The following PLD5 variants were observed in gnomAD, a reference collection of about 807,000 sequenced individuals.
The protein encoded by PLD5 is inactive phospholipase D5.
Under a neutral mutation model 61.1 loss-of-function variants are expected in PLD5, and 36 were observed. The ratio of observed to expected loss-of-function variants is 0.59; its 90% confidence interval spans 0.45 to 0.78. The LOEUF (loss-of-function observed/expected upper bound fraction) is 0.78, where lower values mean the gene tolerates loss of function less well. Ranked by LOEUF, PLD5 falls within the 30% of genes least tolerant of loss-of-function variation. The pLI is 0.00. For missense variants in PLD5, 515 were observed against 644.4 expected, an observed-to-expected ratio of 0.80 and a Z score of 2.17; for synonymous variants, 243 against 242.8, an observed-to-expected ratio of 1.00 and a Z score of -0.01.
intron 1 of PLD5, among the ~76,000 whole-genome samples, chr1:242,355,332 TGTCATTCA>T (rs1330214812): frequency 1.6e-4 from 24 of 152,246 alleles, no homozygotes; most frequent in Non-Finnish European, 2.9e-4. Context: ...TGTATTTCTT[TGTCATTCA>T]GTCTTGATAG....
chr1:242,527,065 C>T (rs1198119809), upstream of PLD5, among the ~76,000 whole-genome samples: 1 of 144,604 alleles, frequency 6.9e-6, no homozygotes, highest in Non-Finnish European at 1.5e-5. Flanking sequence ...TTAAACTATA[C>T]CTTTATAGGA....
rs1016739868 is a variant in PLD5, at chr1:242,083,505, T to C, written c.*6349A>G. 6.6e-6 allele frequency: 1 copy of C among 152,172 alleles called. No homozygotes were observed. The highest frequency in any genetic ancestry group is 2.4e-5 in the African/African-American group (1 of 41,442). The allele number at this position is 152,172 out of a possible 1,614,324, so 9.4% of individuals were successfully genotyped here. A position where few individuals can be genotyped will look rare whatever the true frequency, so the allele number is the denominator to read the frequency against. On this transcript the variant is annotated 3_prime_UTR_variant, in exon 10 of 10. Coordinates refer to ENST00000536534, the MANE Select transcript of PLD5 (RefSeq NM_001372062.1). ...GAAAACTATAGATCCACCTATGAAA[T>C]ATGAATGAGAGATAGCTTTATCACT...
intron 1 of PLD5, among the ~76,000 whole-genome samples, chr1:242,451,984 G>GT (rs1572178693): frequency 6.6e-6 from 1 of 152,098 alleles, no homozygotes; most frequent in Non-Finnish European, 1.5e-5. Flanking sequence ...TCCAGGGATG[G>GT]TTTTTATTGT....
chr1:242,087,926 C>G lies in PLD5; in HGVS notation c.*1928G>C, dbSNP rs1415614365. 1 of 152,138 alleles carries G rather than the reference C, an allele frequency of 6.6e-6. No homozygotes were observed. Among genetic ancestry groups the G allele is most frequent in the Non-Finnish European group, 1.5e-5 (1 of 68,022 alleles). The allele number at this position is 152,138 out of a possible 1,614,324, so 9.4% of individuals were successfully genotyped here. A position where few individuals can be genotyped will look rare whatever the true frequency, so the allele number is the denominator to read the frequency against. On this transcript the variant is annotated 3_prime_UTR_variant, in exon 10 of 10. Transcript: ENST00000536534. ...CCAATTAGTCATAAAACCATGCTAC[C>G]CTTAAAAATACAGCTTCCTTCCAGC...
chr1:242,456,171 G>C (rs934110538), intron 1 of PLD5, among the ~76,000 whole-genome samples: 1 of 152,138 alleles, frequency 6.6e-6, no homozygotes, highest in African/African-American at 2.4e-5. Context: ...TCCTTACTCC[G>C]CCTTGCAATC....
chr1:242,246,160 G>A (rs1185112543), intron 4 of PLD5, among the ~76,000 whole-genome samples: 1 of 151,934 alleles, frequency 6.6e-6, no homozygotes, highest in East Asian at 1.9e-4. Flanking sequence ...TTGGGGCCAG[G>A]AGTTCAAGAC....
chr1:242,162,444 A>AGTCACTCTGTAACCGAGAAACCTAAAAT (rs1665915050), intron 5 of PLD5, among the ~76,000 whole-genome samples: 2 of 152,214 alleles, frequency 1.3e-5, no homozygotes, highest in African/African-American at 2.4e-5. Flanking sequence ...GATTATTGTC[A>AGTCACTCTGTAACCGAGAAACCTAAAAT]GTCACTCTGT....
Position 242,393,207 on chromosome 1 carries a change from A to AAT in PLD5, c.190-44967_190-44966dup, listed in dbSNP as rs1379966321. Among the ~76,000 whole-genome samples the AAT allele has an allele frequency of 7.2e-4, 63 of 87,498 alleles. 8 individuals are homozygous for AAT. The South Asian group carries it at 0.01, about 14-fold the overall frequency. 57.4% of individuals were successfully genotyped at this position (87,498 alleles called of 152,430 possible). A position where few individuals can be genotyped will look rare whatever the true frequency, so the allele number is the denominator to read the frequency against. ...TAAGACGACGACTCCGTCTCAAAAA[A>AAT]ATATATATATATATATGAGTATATA... On this transcript the variant is annotated intron_variant, in intron 1 of 9. Transcript: ENST00000536534.
chr1:242,224,869 T>C (rs2149020831), intron 4 of PLD5, among the ~76,000 whole-genome samples: 2 of 152,334 alleles, frequency 1.3e-5, no homozygotes, highest in Admixed American at 6.5e-5. Context: ...ATTCACCCTT[T>C]TGAGCATATA....
rs369087951 is a variant in PLD5, at chr1:242,260,875, T to C, written c.607+4462A>G. 1.1e-4 allele frequency among the ~76,000 whole-genome samples: 16 copies of C among 152,324 alleles called. No homozygotes were observed. The East Asian group carries it at 2.5e-3, about 24-fold the overall frequency. On this transcript the variant is annotated intron_variant, in intron 4 of 9. Coordinates refer to ENST00000536534, the MANE Select transcript of PLD5 (RefSeq NM_001372062.1). ...AACTAATTTAGAAATTTATGTCATA[T>C]TAAAAATAGATGCAGCTAAAGCAGT... is the stretch of plus-strand genomic sequence containing the variant.
intron 1 of PLD5, among the ~76,000 whole-genome samples, chr1:242,500,456 G>C (rs1668517826): frequency 6.6e-6 from 1 of 152,160 alleles, no homozygotes; most frequent in East Asian, 1.9e-4. Flanking sequence ...CATTTGCTAG[G>C]ATACGGAAAA....
intron 9 of PLD5, among the ~76,000 whole-genome samples, chr1:242,098,250 T>C (rs1660402404): frequency 6.6e-6 from 1 of 152,208 alleles, no homozygotes; most frequent in Non-Finnish European, 1.5e-5. Context: ...TTGGAGGCTT[T>C]GTTCGTTTCT....
intron 5 of PLD5, among the ~76,000 whole-genome samples, chr1:242,143,026 T>A (rs112074244): frequency 1.2e-3 from 185 of 150,910 alleles, no homozygotes; most frequent in African/African-American, 4.3e-3. Context: ...CCTCTTTTTT[T>A]TTTTTCTCTC....
In PLD5 at chr1:242,331,492, G is replaced by A. The variant is rs1574747308; in HGVS notation, c.326+16614C>T. On this transcript the variant is annotated intron_variant, in intron 2 of 9. Coordinates refer to ENST00000536534, the MANE Select transcript of PLD5 (RefSeq NM_001372062.1). ...GCCTTGTCTTAACTCATCTCTCATG[G>A]AAATGCCAAAAAATAATTGCCCTCT... 2.6e-5 allele frequency among the ~76,000 whole-genome samples: 4 copies of A among 151,188 alleles called. No individual in the cohort carries two copies. The Admixed American group carries it at 2.7e-4, about 10-fold the overall frequency.
chr1:242,342,938 G>A (rs1039279200), intron 2 of PLD5, among the ~76,000 whole-genome samples: 1 of 152,066 alleles, frequency 6.6e-6, no homozygotes, highest in Admixed American at 6.6e-5. Flanking sequence ...AAGGGGGGAA[G>A]AAATAAAACA....
chr1:242,245,081 T>C (rs1257477753), intron 4 of PLD5, among the ~76,000 whole-genome samples: 2 of 152,242 alleles, frequency 1.3e-5, no homozygotes, highest in African/African-American at 4.8e-5. Context: ...TACATTACCA[T>C]GCTGTTGTTT....
At chr1:242,217,822 C>T (rs1670310402) in intron 5 of PLD5, among the ~76,000 whole-genome samples, 1 of 152,174 alleles carries the variant, frequency 6.6e-6, no homozygotes, top group Non-Finnish European at 1.5e-5. Flanking sequence ...TGAATTGCTG[C>T]AATCTCAGGA....
chr1:242,424,762 C>G lies in PLD5; in HGVS notation c.190-76520G>C, dbSNP rs555263311. 2.6e-5 allele frequency among the ~76,000 whole-genome samples: 4 copies of G among 152,160 alleles called. No homozygotes were observed. The South Asian group carries it at 8.3e-4, about 32-fold the overall frequency. ...GGATGTTTGTACAGCAGCTCACAGACAGCTCCTTTCTATTCCCACTTCCAG... is the reference window on the plus strand; with the variant it reads ...GGATGTTTGTACAGCAGCTCACAGAGAGCTCCTTTCTATTCCCACTTCCAG... On this transcript the variant is annotated intron_variant, in intron 1 of 9. Coordinates refer to ENST00000536534, the MANE Select transcript of PLD5 (RefSeq NM_001372062.1).
At chr1:242,338,830 A>C (rs1425970900) in intron 2 of PLD5, among the ~76,000 whole-genome samples, 1 of 152,212 alleles carries the variant, frequency 6.6e-6, no homozygotes, top group African/African-American at 2.4e-5. Flanking sequence ...CTTATAGGAG[A>C]GTAGAGTTCA....
Sources: gnomAD v4.1 joint callset for allele counts (sites outside exome capture counted in the v4.1 genomes callset) on GRCh38, gnomAD v4.1.1 for gene constraint, MANE v1.5 for transcripts, NCBI Gene and HGNC (gene_info 2026-07-23, HGNC 2026-07-21) for gene names.